PMS1: variants seen among roughly 807,000 people sequenced by gnomAD.
PMS1 encodes the protein PMS1 homolog 1, mismatch repair system component.
PMS1 carries 79 observed loss-of-function variants against 93.1 expected under a neutral mutation model. The ratio of observed to expected loss-of-function variants is 0.85; its 90% CI spans 0.71 to 1.02. The LOEUF (loss-of-function observed/expected upper bound fraction) is 1.02, where lower values mean the gene tolerates loss of function less well. PMS1 is among the 50% of genes least tolerant of loss of function. The pLI is 0.00. For missense variants in PMS1, 1,064 were observed against 1,085.3 expected (o/e 0.98, Z 0.28); for synonymous variants, 335 against 363.4 (o/e 0.92, Z 0.89).
chr2:189,844,299 A>C lies in PMS1; in HGVS notation c.699+219A>C, dbSNP rs56379222. 6.0e-3 allele frequency among the ~76,000 whole-genome samples: 906 copies of C among 152,198 alleles called. 7 individuals carry two copies. The highest frequency in any genetic ancestry group is 0.02 in the African/African-American group (826 of 41,534). On this transcript the variant is annotated intron_variant, in intron 6 of 12. Coordinates refer to ENST00000441310, the MANE Select transcript of PMS1 (RefSeq NM_000534.5). Reference sequence around the variant, plus strand: ...CTGTTTGTTGCTTACATTGATTTTCAAAAAAATTATGTTCAATTTAGAATC... The same window carrying C: ...CTGTTTGTTGCTTACATTGATTTTCCAAAAAATTATGTTCAATTTAGAATC...
At chr2:189,844,610 C>T (rs1394429154) in intron 6 of PMS1, among the ~76,000 whole-genome samples, 2 of 143,562 alleles carry the variant, frequency 1.4e-5, no homozygotes, top group African/African-American at 5.3e-5. Context: ...CACCACTGCA[C>T]TCCAGCCTGG....
intron 1 of PMS1, among the ~76,000 whole-genome samples, chr2:189,787,685 G>T (rs925378504): frequency 6.6e-6 from 1 of 151,874 alleles, no homozygotes; most frequent in Non-Finnish European, 1.5e-5. Context: ...AACAGTGCTG[G>T]ATAGAGTACT....
intron 5 of PMS1, among the ~76,000 whole-genome samples, chr2:189,820,503 A>G (rs1400516593): frequency 1.3e-5 from 2 of 151,970 alleles, no homozygotes; most frequent in East Asian, 3.9e-4. Context: ...GGGTCTCCCT[A>G]TGTTGCCTGG....
At chr2:189,849,715 C>T (rs2054540656) in intron 6 of PMS1, among the ~76,000 whole-genome samples, 1 of 152,118 alleles carries the variant, frequency 6.6e-6, no homozygotes, top group African/African-American at 2.4e-5. Flanking sequence ...CACCAGGTAT[C>T]ATATTAGTAA....
intron 10 of PMS1, among the ~76,000 whole-genome samples, chr2:189,865,360 C>T (rs911359180): frequency 3.3e-5 from 5 of 152,114 alleles, no homozygotes; most frequent in African/African-American, 1.2e-4. Flanking sequence ...TTCAACTTCT[C>T]TCCCCTATGT....
At chr2:189,845,097 A>G (rs751196761) in intron 6 of PMS1, among the ~76,000 whole-genome samples, 31 of 152,152 alleles carry the variant, frequency 2.0e-4, no homozygotes, top group Non-Finnish European at 1.6e-4. Context: ...ACCTCAGGTG[A>G]TCTGCCTGCC....
rs1447369473 is a variant in PMS1, at chr2:189,835,173, CT to C, written c.583-8789del. 3.9e-5 allele frequency among the ~76,000 whole-genome samples: 6 copies of C among 152,170 alleles called. No individual in the cohort carries two copies. In the East Asian group the frequency reaches 1.2e-3, roughly 29 times the overall value. On this transcript the variant is annotated intron_variant, in intron 5 of 12. Transcript: ENST00000441310. ...AAATGTCTATTAATTTCTTTGCAAC[CT>C]TCAGGAAAAATAATTATGCATGTTC...
At chr2:189,828,147 A>G (rs2052611824) in intron 5 of PMS1, among the ~76,000 whole-genome samples, 1 of 151,964 alleles carries the variant, frequency 6.6e-6, no homozygotes, top group African/African-American at 2.4e-5. Flanking sequence ...GATGGTCTCG[A>G]TCTCCTGACC....
intron 5 of PMS1, among the ~76,000 whole-genome samples, chr2:189,820,643 A>G (rs2051767271): frequency 1.3e-5 from 2 of 152,152 alleles, no homozygotes; most frequent in South Asian, 4.2e-4. Context: ...ACTACTTTAT[A>G]TTTATATAGT....
chr2:189,826,777 G>T (rs1363720513), intron 5 of PMS1, among the ~76,000 whole-genome samples: 1 of 152,088 alleles, frequency 6.6e-6, no homozygotes, highest in Non-Finnish European at 1.5e-5. Context: ...AGGAGGGAGG[G>T]CTGCATCTAG....
Position 189,863,801 on chromosome 2 carries a change from A to G in PMS1, c.1915A>G (p.Ile639Val). 1 of 1,612,796 alleles carries G rather than the reference A, an allele frequency of 6.2e-7. No homozygotes were observed. Among genetic ancestry groups the G allele is most frequent in the Non-Finnish European group, 8.5e-7 (1 of 1,178,780 alleles). ...ERYNSQMKRA[I>V]EQESQMSLKD... ...ATACAATAGTCAAATGAAGAGAGCC[A>G]TTGAACAGGAGTCACAAATGTCACT... The change falls in exon 10 of 13, where the codon ATT (isoleucine) becomes GTT (valine). Residue 639 changes from isoleucine to valine, a missense_variant. Transcript: ENST00000441310.
chr2:189,857,693 A>G (rs2106477240), intron 9 of PMS1, among the ~76,000 whole-genome samples: 1 of 152,134 alleles, frequency 6.6e-6, no homozygotes, highest in South Asian at 2.1e-4. Context: ...TACTCTAGCT[A>G]GTCACAGATA....
chr2:189,803,295 AT>A lies in PMS1; in HGVS notation c.316-2356del, dbSNP rs1314097600. On this transcript the variant is annotated intron_variant, in intron 3 of 12. Coordinates refer to ENST00000441310, the MANE Select transcript of PMS1 (RefSeq NM_000534.5). ...TTTATCTAAACATTGAAGAAAAACT[AT>A]GTTTATCTGAAGTTTAAATGCTTTT... 3.9e-5 allele frequency among the ~76,000 whole-genome samples: 6 copies of A among 152,184 alleles called. No individual in the cohort carries two copies. The East Asian group carries it at 1.2e-3, about 29-fold the overall frequency.
At chr2:189,844,692 A>G (rs1054174824) in intron 6 of PMS1, among the ~76,000 whole-genome samples, 3 of 151,122 alleles carry the variant, frequency 2.0e-5, no homozygotes, top group Admixed American at 6.6e-5. Flanking sequence ...CCCATTCCAA[A>G]TATGTACTTA....
chr2:189,829,413 G>A (rs910287320), intron 5 of PMS1, among the ~76,000 whole-genome samples: 1 of 152,050 alleles, frequency 6.6e-6, no homozygotes, highest in Admixed American at 6.6e-5. Context: ...TTGGACCTGT[G>A]ATCCCTTGTT....
At position 189,830,358 on chromosome 2, in the gene PMS1, A is replaced by G. The variant is rs1473999403; in HGVS notation, c.582+12178A>G. ...CATGCTTCCAGCTCAGGACTGTCGCATTTGTAGTTTCTTTGCCTAGAACAT... is the reference window on the plus strand; with the variant it reads ...CATGCTTCCAGCTCAGGACTGTCGCGTTTGTAGTTTCTTTGCCTAGAACAT... On this transcript the variant is annotated intron_variant, in intron 5 of 12. Transcript: ENST00000441310. Among the ~76,000 whole-genome samples, 5 of 152,000 alleles carry G rather than the reference A, an allele frequency of 3.3e-5. No homozygotes were observed. In the East Asian group the frequency reaches 9.7e-4, roughly 29 times the overall value.
chr2:189,862,293 A>G (rs1441659082), intron 9 of PMS1, among the ~76,000 whole-genome samples: 1 of 151,906 alleles, frequency 6.6e-6, no homozygotes, highest in Non-Finnish European at 1.5e-5. Flanking sequence ...TTAATTTCTG[A>G]TATTGTATTT....
intron 4 of PMS1, among the ~76,000 whole-genome samples, chr2:189,809,401 C>G (rs1056635229): frequency 6.9e-6 from 1 of 144,914 alleles, no homozygotes. Context: ...GGGCCTCCTC[C>G]CTATTATTGG....
chr2:189,836,759 T>C (rs1014103925), intron 5 of PMS1, among the ~76,000 whole-genome samples: 2 of 152,340 alleles, frequency 1.3e-5, no homozygotes, highest in Non-Finnish European at 2.9e-5. Context: ...CAATAAAAAT[T>C]GCCTAGTGTG....
Sources: allele counts gnomAD v4.1 joint callset (sites outside exome capture counted in the v4.1 genomes callset), GRCh38; gene constraint gnomAD v4.1.1; transcripts MANE v1.5; gene names NCBI Gene and HGNC (gene_info 2026-07-23, HGNC 2026-07-21).